Variants in SEC14L4 observed in about 807,000 individuals in gnomAD.
The protein encoded by SEC14L4 is SEC14 like lipid binding 4.
A neutral mutation model predicts 55.1 loss-of-function variants in SEC14L4; 42 were observed. The ratio of observed to expected loss-of-function variants is 0.76; its 90% CI spans 0.60 to 0.99. The LOEUF (loss-of-function observed/expected upper bound fraction) is 0.99. SEC14L4 is among the 50% of genes least tolerant of loss of function. The pLI is 0.00. For synonymous variants in SEC14L4, 206 were observed against 206.8 expected (o/e 1.00, Z 0.03); for missense variants, 445 against 512.1 (o/e 0.87, Z 1.27).
At chr22:30,492,382 G>C (rs751291311) in intron 8 of SEC14L4, 92 bp downstream of exon 8, 1 of 1,287,516 alleles carries the variant, frequency 7.8e-7, no homozygotes, top group Non-Finnish European at 1.1e-6. Flanking sequence ...GGTAGTGCCC[G>C]AGTAGAGGAC....
At chr22:30,496,049 G>T in intron 2 of SEC14L4, 78 bp from the exon 3 acceptor site, 1 of 1,199,772 alleles carries the variant, frequency 8.3e-7, no homozygotes, top group South Asian at 1.3e-5. Context: ...TGAGGAAACA[G>T]CTAAGGTGTC....
At chr22:30,498,402 G>A (rs1000451676) in intron 2 of SEC14L4, among the ~76,000 whole-genome samples, 6 of 151,980 alleles carry the variant, frequency 3.9e-5, no homozygotes, top group African/African-American at 1.2e-4. Flanking sequence ...TGCCCTGCCC[G>A]CTACTGATTT....
intron 2 of SEC14L4, among the ~76,000 whole-genome samples, chr22:30,500,160 G>A (rs925974864): frequency 6.6e-6 from 1 of 152,086 alleles, no homozygotes; most frequent in Non-Finnish European, 1.5e-5. Flanking sequence ...ATGAGCCACC[G>A]CGCCCGGCCA....
intron 1 of SEC14L4, among the ~76,000 whole-genome samples, chr22:30,504,119 G>A (rs752191767): frequency 5.3e-5 from 8 of 151,224 alleles, no homozygotes; most frequent in South Asian, 2.1e-4. Flanking sequence ...GCGTAGTTGC[G>A]TGATCTTGGC....
intron 2 of SEC14L4, among the ~76,000 whole-genome samples, chr22:30,500,754 ATTTTTTTTTTTT>A (rs531954470): frequency 1.4e-4 from 11 of 79,508 alleles, no homozygotes; most frequent in South Asian, 5.7e-4. Context: ...TGAGAACAGA[ATTTTTTTTTTTT>A]TTTTTTTTTT....
At chr22:30,498,898 C>A (rs1363973944) in intron 2 of SEC14L4, among the ~76,000 whole-genome samples, 2 of 152,128 alleles carry the variant, frequency 1.3e-5, no homozygotes, top group African/African-American at 4.8e-5. Context: ...ACTATTCTTG[C>A]ACACCTAAGA....
chr22:30,494,136 G>A lies in SEC14L4; in HGVS notation c.580+14C>T, dbSNP rs373540407. 1.0e-4 allele frequency: 161 copies of A among 1,603,652 alleles called. No individual in the cohort carries two copies. The highest frequency in any genetic ancestry group is 1.2e-4 in the African/African-American group (9 of 74,716). ...TTCTCCCTCCCCAGGAGGTCATCCCGGTCATGGGCTTACCTCGAATAACAA... is the reference window on the plus strand; with the variant it reads ...TTCTCCCTCCCCAGGAGGTCATCCCAGTCATGGGCTTACCTCGAATAACAA... On this transcript the variant is annotated intron_variant, in intron 7 of 11. Coordinates refer to ENST00000255858, the MANE Select transcript of SEC14L4 (RefSeq NM_174977.4).
chr22:30,505,602 G>C lies in SEC14L4; in HGVS notation c.10C>G (p.Arg4Gly). 1 of 1,564,084 alleles carries C rather than the reference G, an allele frequency of 6.4e-7. No homozygotes were observed. The highest frequency in any genetic ancestry group is 8.6e-7 in the Non-Finnish European group (1 of 1,158,868). MSS[R>G]VGDLSPQQQE... is the part of the protein sequence containing the mutation. ...TGCTGGGGGCTCAGGTCCCCGACTC[G>C]GCTGCTCATGGTGCCCGCGGGCGCA... Residue 4 changes from arginine (R) to glycine (G), a missense_variant, in exon 1 of 12, where the codon CGA (arginine) becomes GGA (glycine). Arg to Gly is a moderately radical substitution (Grantham distance 125, BLOSUM62 -2). Coordinates refer to ENST00000255858, the MANE Select transcript of SEC14L4 (RefSeq NM_174977.4).
At position 30,492,121 on chromosome 22, in the gene SEC14L4, G is replaced by A. The variant is rs567890296; in HGVS notation, c.699C>T (p.Ser233=). ...CAAACTCCACAGGCAGCTGGTCGGGGCTGATGAATTTTGTCAGCTCCTGCT... is the reference window on the plus strand; with the variant it reads ...CAAACTCCACAGGCAGCTGGTCGGGACTGATGAATTTTGTCAGCTCCTGCT... ...NWKQELTKFI[S]PDQLPVEFGG... is the part of the protein sequence containing the mutation. The change falls in exon 9 of 12, where the codon AGC becomes AGT. Residue 233 remains serine, a synonymous_variant. Coordinates refer to ENST00000255858, the MANE Select transcript of SEC14L4 (RefSeq NM_174977.4). 1.2e-6 allele frequency: 2 copies of A among 1,613,742 alleles called. No homozygotes were observed. The highest frequency in any genetic ancestry group is 2.7e-5 in the African/African-American group (2 of 75,034).
At chr22:30,490,342 G>A in intron 11 of SEC14L4, 96 bp from the exon 12 acceptor site, 5 of 1,569,974 alleles carry the variant, frequency 3.2e-6, no homozygotes, top group South Asian at 1.2e-5. Context: ...CCTTGGGAAT[G>A]AGCTGCATCC....
In SEC14L4 at chr22:30,505,643, C is replaced by T. The variant is rs1362681553; in HGVS notation, c.-32G>A. On this transcript the variant is annotated 5_prime_UTR_variant, in exon 1 of 12. Transcript: ENST00000255858. ...CGCGGGCGCAGAAAGGCTCAGGGCG[C>T]AGGTCCGCCCGCCCGCCGCCGCCTG... 2.0e-6 allele frequency: 3 copies of T among 1,524,386 alleles called. No homozygotes were observed. In the Admixed American group the frequency reaches 6.1e-5, roughly 31 times the overall value. 94.4% of individuals were successfully genotyped at this position (1,524,386 alleles called of 1,614,324 possible). A position where few individuals can be genotyped will look rare whatever the true frequency, so the allele number is the denominator to read the frequency against.
Position 30,490,036 on chromosome 22 carries a change from C to T in SEC14L4, c.*71G>A. 6.3e-7 allele frequency: 1 copy of T among 1,593,796 alleles called. No individual in the cohort carries two copies. Among genetic ancestry groups the T allele is most frequent in the Non-Finnish European group, 8.6e-7 (1 of 1,169,084 alleles). ...TGCAGCCACCTCCAGCACCACCCTGCCTGGGAAGGCAGGGGTCAGAGGGGT... is the reference window on the plus strand; with the variant it reads ...TGCAGCCACCTCCAGCACCACCCTGTCTGGGAAGGCAGGGGTCAGAGGGGT... On this transcript the variant is annotated 3_prime_UTR_variant, in exon 12 of 12. Transcript: ENST00000255858.
At position 30,505,602 on chromosome 22, in the gene SEC14L4, G is replaced by A; in HGVS notation, c.10C>T (p.Arg4Ter). The A allele has an allele frequency of 6.4e-7, 1 of 1,564,084 alleles. No homozygotes were observed. The highest frequency in any genetic ancestry group is 8.6e-7 in the Non-Finnish European group (1 of 1,158,868). The change falls in exon 1 of 12, where the codon CGA (arginine) becomes TGA (stop). Residue 4 changes from arginine (R) to a stop codon, truncating the protein, a stop_gained. Transcript: ENST00000255858. LOFTEE classifies it high-confidence loss of function. ...TGCTGGGGGCTCAGGTCCCCGACTC[G>A]GCTGCTCATGGTGCCCGCGGGCGCA... is the stretch of plus-strand genomic sequence containing the variant. The part of the protein sequence containing the change: MSS[R>*]VGDLSPQQQE...
chr22:30,502,446 A>G (rs1936360320), intron 2 of SEC14L4, among the ~76,000 whole-genome samples: 1 of 152,216 alleles, frequency 6.6e-6, no homozygotes, highest in African/African-American at 2.4e-5. Context: ...CACTGTATGT[A>G]TGCTTTCCGG....
In SEC14L4 at chr22:30,489,009, A is replaced by T. The variant is rs1399445246; in HGVS notation, c.*1098T>A. The T allele has an allele frequency of 1.3e-5, 2 of 151,158 alleles. No homozygotes were observed. Among genetic ancestry groups the T allele is most frequent in the African/African-American group, 4.9e-5 (2 of 40,962 alleles). The allele number at this position is 151,158 out of a possible 1,614,324, so 9.4% of individuals were successfully genotyped here. A position where few individuals can be genotyped will look rare whatever the true frequency, so the allele number is the denominator to read the frequency against. On this transcript the variant is annotated 3_prime_UTR_variant, in exon 12 of 12. Transcript: ENST00000255858. ...GGTTTGCTGTTTCTAGCAGCAGAGC[A>T]CCTGTTCAGACTCTACGTATATGCA...
intron 2 of SEC14L4, among the ~76,000 whole-genome samples, chr22:30,499,129 G>C (rs1569245601): frequency 6.6e-6 from 1 of 151,948 alleles, no homozygotes; most frequent in African/African-American, 2.4e-5. Flanking sequence ...ATTTTTACTA[G>C]AGACGGGGTT....
intron 2 of SEC14L4, among the ~76,000 whole-genome samples, chr22:30,497,137 A>G (rs1254618438): frequency 3.3e-5 from 5 of 152,104 alleles, no homozygotes; most frequent in African/African-American, 7.2e-5. Context: ...TCAGGAGTTC[A>G]AGACCAGCCT....
intron 2 of SEC14L4, among the ~76,000 whole-genome samples, chr22:30,497,940 G>T (rs1936202295): frequency 6.6e-6 from 1 of 152,090 alleles, no homozygotes; most frequent in African/African-American, 2.4e-5. Flanking sequence ...AGGACCTGGA[G>T]TTTTAATTTA....
intron 7 of SEC14L4, among the ~76,000 whole-genome samples, chr22:30,493,523 G>A (rs1484825469): frequency 6.6e-6 from 1 of 152,134 alleles, no homozygotes. Context: ...GGGCAGCCAG[G>A]GACCATTCCC....
Sources: allele counts gnomAD v4.1 joint callset (sites outside exome capture counted in the v4.1 genomes callset), GRCh38; gene constraint gnomAD v4.1.1; transcripts MANE v1.5; gene names NCBI Gene and HGNC (gene_info 2026-07-23, HGNC 2026-07-21).